The following PTPRN2 variants were observed in gnomAD, a reference collection of about 807,000 sequenced individuals.
The protein encoded by PTPRN2 is protein tyrosine phosphatase receptor type N2, also known as receptor-type tyrosine-protein phosphatase N2.
A neutral mutation model predicts 118.8 loss-of-function variants in PTPRN2; 74 were observed. The observed-to-expected ratio is 0.62, with a 90% CI of 0.52 to 0.76. The LOEUF (loss-of-function observed/expected upper bound fraction) is 0.76, where lower values mean the gene tolerates loss of function less well. PTPRN2 is among the 30% of genes least tolerant of loss of function. The pLI is 0.00. For missense variants in PTPRN2, 1,481 were observed against 1,394.4 expected, an observed-to-expected ratio of 1.06 and a Z score of -0.99; for synonymous variants, 641 against 608.0, an observed-to-expected ratio of 1.05 and a Z score of -0.80.
intron 12 of PTPRN2, among the ~76,000 whole-genome samples, chr7:157,825,276 A>G (rs1159702289): frequency 6.6e-6 from 1 of 152,020 alleles, no homozygotes; most frequent in Non-Finnish European, 1.5e-5. Flanking sequence ...TGCTGGCTGA[A>G]ATGAGACCTG....
At chr7:157,552,936 A>G (rs1033840723) in intron 21 of PTPRN2, among the ~76,000 whole-genome samples, 2 of 152,228 alleles carry the variant, frequency 1.3e-5, no homozygotes, top group Non-Finnish European at 2.9e-5. Flanking sequence ...TACAAAACAC[A>G]TTTGATGCTC....
At chr7:158,295,749 T>G (rs1800452512) in intron 3 of PTPRN2, among the ~76,000 whole-genome samples, 1 of 151,254 alleles carries the variant, frequency 6.6e-6, no homozygotes, top group Admixed American at 6.6e-5. Context: ...CCTGCCTGTC[T>G]GCCCAAACAC....
rs568729898 is a variant in PTPRN2 at position 158,295,726 on chromosome 7, G to A, written c.277+21093C>T. 1.5e-4 allele frequency among the ~76,000 whole-genome samples: 23 copies of A among 150,958 alleles called. 1 individual carries two copies. The highest frequency in any genetic ancestry group is 2.6e-4 in the Admixed American group (4 of 15,182). Reference sequence around the variant, plus strand: ...TGCCTTTCTGAGGGTCTAAGCCCACGGTGCCTGCTGACCCTGCCTGTCTGC... The same window carrying A: ...TGCCTTTCTGAGGGTCTAAGCCCACAGTGCCTGCTGACCCTGCCTGTCTGC... On this transcript the variant is annotated intron_variant, in intron 3 of 22. Transcript: ENST00000389418.
intron 3 of PTPRN2, among the ~76,000 whole-genome samples, chr7:158,312,714 CAT>C (rs543356019): frequency 5.4e-4 from 32 of 59,028 alleles, no homozygotes; most frequent in East Asian, 2.8e-3. Context: ...CACGTGCTCA[CAT>C]ATAGATACCC....
chr7:158,343,373 C>G (rs988751311), intron 2 of PTPRN2, among the ~76,000 whole-genome samples: 40 of 152,180 alleles, frequency 2.6e-4, no homozygotes, highest in Non-Finnish European at 5.6e-4. Context: ...AGCAGGACAT[C>G]TGCTATCAAA....
Position 157,772,983 on chromosome 7 carries a change from G to A in PTPRN2, c.1789-90046C>T, listed in dbSNP as rs554411321. Among the ~76,000 whole-genome samples the A allele has an allele frequency of 5.9e-5, 9 of 152,222 alleles. No homozygotes were observed. The East Asian group carries it at 1.6e-3, about 26-fold the overall frequency. ...GGTACTGGCGGGGTCTTCCTGGGCC[G>A]CCTGCTCCCCTGTAAATGGGCAGTG... On this transcript the variant is annotated intron_variant, in intron 12 of 22. Transcript: ENST00000389418.
intron 10 of PTPRN2, among the ~76,000 whole-genome samples, chr7:158,103,886 G>A (rs1815449141): frequency 6.7e-6 from 1 of 149,928 alleles, no homozygotes; most frequent in South Asian, 2.1e-4. Context: ...TTTTTGAGAT[G>A]GAGTCTTGCT....
chr7:158,181,693 C>T (rs1407114843), intron 5 of PTPRN2, among the ~76,000 whole-genome samples: 3 of 152,062 alleles, frequency 2.0e-5, no homozygotes, highest in East Asian at 1.9e-4. Flanking sequence ...GGAATATATT[C>T]GTGTATTCAT....
chr7:158,582,178 G>C (rs1039129849), intron 1 of PTPRN2, among the ~76,000 whole-genome samples: 1 of 152,124 alleles, frequency 6.6e-6, no homozygotes, highest in Admixed American at 6.5e-5. Context: ...AGTCCAGCTG[G>C]GTCTACATTT....
intron 14 of PTPRN2, among the ~76,000 whole-genome samples, chr7:157,648,816 C>T (rs1294748640): frequency 1.3e-4 from 14 of 109,992 alleles, no homozygotes; most frequent in East Asian, 4.0e-4. Flanking sequence ...ACCCATCCAG[C>T]GTGCACTGAA....
intron 11 of PTPRN2, among the ~76,000 whole-genome samples, chr7:157,916,389 T>C (rs527431922): frequency 6.6e-6 from 1 of 152,346 alleles, no homozygotes; most frequent in Non-Finnish European, 1.5e-5. Flanking sequence ...ATGGGGGCTC[T>C]GGGAAGGAGA....
At chr7:157,837,635 C>T (rs1012659915) in intron 12 of PTPRN2, among the ~76,000 whole-genome samples, 4 of 152,142 alleles carry the variant, frequency 2.6e-5, no homozygotes, top group African/African-American at 7.2e-5. Context: ...CCTTCGCACT[C>T]CTGCCGTCTG....
In PTPRN2 at chr7:158,517,005, G is replaced by GT. The variant is rs1035306315; in HGVS notation, c.113-27221dup. Among the ~76,000 whole-genome samples, 51 of 152,266 alleles carry GT rather than the reference G, an allele frequency of 3.3e-4. No individual in the cohort carries two copies. Among genetic ancestry groups the GT allele is most frequent in the African/African-American group, 1.2e-3 (51 of 41,556 alleles). On this transcript the variant is annotated intron_variant, in intron 1 of 22. Transcript: ENST00000389418. This position sits in a 1 kb window ranked among gnomAD's most constrained non-coding sequence, Gnocchi z 5.3. ...AAACCGTAGCCCAGCAGAACCACTC[G>GT]TGAGTCCTGTGATTCCTTCCAAACC... is the stretch of plus-strand genomic sequence containing the variant.
intron 10 of PTPRN2, among the ~76,000 whole-genome samples, chr7:158,100,253 GTGT>G: frequency 6.8e-6 from 1 of 146,874 alleles, no homozygotes; most frequent in African/African-American, 2.6e-5. Context: ...GGGTGTGTGT[GTGT>G]GTGTGTGTGT....
rs1262840006 is a variant in PTPRN2, at chr7:158,134,010, G to A, written c.1223C>T (p.Ser408Phe). The A allele has an allele frequency of 6.2e-7, 1 of 1,614,024 alleles. No individual in the cohort carries two copies. Among genetic ancestry groups the A allele is most frequent in the East Asian group, 2.2e-5 (1 of 44,884 alleles). The change falls in exon 9 of 23, where the codon TCT (serine) becomes TTT (phenylalanine). Residue 408 changes from serine to phenylalanine, a missense_variant. Physicochemically the swap from Ser to Phe is radical, Grantham distance 155. This residue lies in a region of PTPRN2 where 1,115 missense variants were observed against 994.2 expected (regional missense o/e 1.12). Transcript: ENST00000389418. ...TLGGLLQDHGSRLLPGALPFA... is the reference protein window; with the variant it reads ...TLGGLLQDHGFRLLPGALPFA... ...GGGGAGGGCTCCAGGTAAGAGTCGA[G>A]ACCCGTGGTCCTGCAGGAGGCCCCC...
At chr7:158,314,079 C>T (rs1335760245) in intron 3 of PTPRN2, among the ~76,000 whole-genome samples, 1 of 152,158 alleles carries the variant, frequency 6.6e-6, no homozygotes, top group Non-Finnish European at 1.5e-5. Flanking sequence ...CACCCTGCCC[C>T]CGCCACATCT....
chr7:158,330,056 C>A (rs1391481952), intron 2 of PTPRN2, among the ~76,000 whole-genome samples: 15 of 148,918 alleles, frequency 1.0e-4, no homozygotes, highest in Admixed American at 2.7e-4. Context: ...GTCACTCACA[C>A]CCACACTCTC....
intron 12 of PTPRN2, among the ~76,000 whole-genome samples, chr7:157,744,911 C>T (rs1412848569): frequency 2.0e-5 from 3 of 152,212 alleles, no homozygotes; most frequent in Non-Finnish European, 4.4e-5. Flanking sequence ...CACCCCAGTC[C>T]CCCGGCATCT....
At chr7:158,373,210 C>T (rs1810236845) in intron 2 of PTPRN2, among the ~76,000 whole-genome samples, 1 of 152,248 alleles carries the variant, frequency 6.6e-6, no homozygotes, top group African/African-American at 2.4e-5. Context: ...CGCCCGTACG[C>T]TGCGGAATCG....
Sources: allele counts gnomAD v4.1 joint callset (sites outside exome capture counted in the v4.1 genomes callset), GRCh38; gene constraint gnomAD v4.1.1; regional missense constraint gnomAD v4.1.1; non-coding constraint Gnocchi (gnomAD v3.1); transcripts MANE v1.5; gene names NCBI Gene and HGNC (gene_info 2026-07-23, HGNC 2026-07-21).